Variants in CDC123 observed in about 807,000 individuals in gnomAD.
The protein encoded by CDC123 is cell division cycle 123, also known as translation initiation factor eIF2 assembly protein.
A neutral mutation model predicts 54.4 loss-of-function variants in CDC123; 37 were observed. That is an observed-to-expected ratio of 0.68 (90% CI 0.52 to 0.89). The LOEUF is 0.89. Among genes scored for constraint, CDC123 ranks in the 40% least tolerant of loss-of-function variants. CDC123 has a pLI of 0.00. For synonymous variants in CDC123, 144 were observed against 136.8 expected, an observed-to-expected ratio of 1.05 and a Z score of -0.37; for missense variants, 361 against 412.1, an observed-to-expected ratio of 0.88 and a Z score of 1.07.
intron 1 of CDC123, 46 bp downstream of exon 1, chr10:12,196,365 G>A: frequency 1.2e-6 from 2 of 1,612,864 alleles, no homozygotes; most frequent in South Asian, 2.2e-5. Flanking sequence ...AAAGGGAACT[G>A]CGACTTCTGA....
intron 2 of CDC123, among the ~76,000 whole-genome samples, chr10:12,209,737 GTGTATTTTGTAGAGACAGGGTTTTGCCA>G (rs1421445763): frequency 1.3e-5 from 2 of 151,966 alleles, no homozygotes; most frequent in African/African-American, 2.4e-5. Flanking sequence ...GCTAATTTCT[GTGTATTTTGTAGAGACAGGGTTTTGCCA>G]TGTAGTCCAA....
chr10:12,234,175 A>G (rs543726440), intron 7 of CDC123, among the ~76,000 whole-genome samples: 3 of 152,082 alleles, frequency 2.0e-5, no homozygotes, highest in Non-Finnish European at 2.9e-5. Context: ...GCTCACTGCA[A>G]CCTCCGCTTC....
intron 2 of CDC123, among the ~76,000 whole-genome samples, chr10:12,200,120 A>ATTTTTTTTTTTTTTTTTTTTTTTTTT: frequency 1.7e-5 from 1 of 59,356 alleles, no homozygotes; most frequent in Non-Finnish European, 3.0e-5. Flanking sequence ...CGCACTCGGC[A>ATTTTTTTTTTTTTTTTTTTTTTTTTT]TTTTTTTTTT....
chr10:12,242,254 C>A (rs1405721424), intron 10 of CDC123, among the ~76,000 whole-genome samples: 1 of 152,164 alleles, frequency 6.6e-6, no homozygotes, highest in African/African-American at 2.4e-5. Context: ...TCTCTGTTAT[C>A]CCTCAGGTGC....
intron 2 of CDC123, among the ~76,000 whole-genome samples, chr10:12,206,901 A>G (rs560246558): frequency 2.2e-4 from 33 of 150,268 alleles, no homozygotes; most frequent in Non-Finnish European, 4.4e-4. Context: ...AGACCTTGCA[A>G]TGAGCTGAAA....
At chr10:12,210,073 T>C (rs745410928) in intron 3 of CDC123, 49 bp downstream of exon 3, 8 of 1,584,652 alleles carry the variant, frequency 5.0e-6, no homozygotes, top group Non-Finnish European at 6.9e-6. Flanking sequence ...GTAATTTAAA[T>C]GATCTCTGAG....
intron 2 of CDC123, among the ~76,000 whole-genome samples, chr10:12,204,818 C>G (rs1253216409): frequency 4.6e-5 from 7 of 151,858 alleles, no homozygotes; most frequent in Admixed American, 4.6e-4. Context: ...CATGGTGAAA[C>G]CCCGTCTCAA....
At chr10:12,226,708 C>G (rs1328587674) in intron 6 of CDC123, among the ~76,000 whole-genome samples, 2 of 149,966 alleles carry the variant, frequency 1.3e-5, no homozygotes, top group Non-Finnish European at 3.0e-5. Flanking sequence ...GGTGGCTGGG[C>G]AGAGACGCTC....
chr10:12,243,283 A>G (rs1180275050), intron 10 of CDC123, among the ~76,000 whole-genome samples: 1 of 151,948 alleles, frequency 6.6e-6, no homozygotes, highest in Non-Finnish European at 1.5e-5. Context: ...CTGTAGTCCC[A>G]GCTACTTAGG....
chr10:12,220,416 A>G (rs1835720428), intron 6 of CDC123, among the ~76,000 whole-genome samples: 1 of 152,212 alleles, frequency 6.6e-6, no homozygotes, highest in African/African-American at 2.4e-5. Flanking sequence ...AGTGAGTTTG[A>G]GGTCTTGGAT....
intron 6 of CDC123, among the ~76,000 whole-genome samples, chr10:12,226,675 C>T (rs1032102151): frequency 2.0e-4 from 28 of 140,576 alleles, no homozygotes; most frequent in African/African-American, 2.4e-4. Context: ...GGGGCAGAGG[C>T]GCTCCCCACA....
At chr10:12,228,766 C>A (rs918830886) in intron 6 of CDC123, among the ~76,000 whole-genome samples, 2 of 152,168 alleles carry the variant, frequency 1.3e-5, no homozygotes, top group African/African-American at 4.8e-5. Context: ...GATGAGTTTT[C>A]TCCATGTTGG....
intron 6 of CDC123, 46 bp from the exon 7 acceptor site, chr10:12,230,902 C>A (rs1412372912): frequency 6.4e-7 from 1 of 1,566,042 alleles, no homozygotes; most frequent in Non-Finnish European, 8.8e-7. Flanking sequence ...CATAAACTGG[C>A]ACCAGTAACA....
intron 1 of CDC123, among the ~76,000 whole-genome samples, chr10:12,198,442 G>A (rs1441811424): frequency 6.6e-6 from 1 of 152,166 alleles, no homozygotes; most frequent in Non-Finnish European, 1.5e-5. Flanking sequence ...TTTTGAGCTT[G>A]TTGCTTTCAT....
intron 12 of CDC123, chr10:12,249,927 T>A (rs1836218498): frequency 1.6e-6 from 1 of 637,722 alleles, no homozygotes; most frequent in African/African-American, 1.8e-5. Flanking sequence ...AAAATGTTTT[T>A]ATGCTGTACA....
rs548015468 is a variant in CDC123, at chr10:12,235,036, T to G, written c.490-12T>G. The stretch of plus-strand genomic sequence containing the variant: ...GGTGTGTTATATTAAATATTTTTTC[T>G]TTTGTTTACAGCTCGTTCTCCGAAA... On this transcript the variant is annotated splice_polypyrimidine_tract_variant and intron_variant, in intron 7 of 12. Transcript: ENST00000281141. The G allele has an allele frequency of 1.4e-5, 22 of 1,610,788 alleles. No homozygotes were observed. Among genetic ancestry groups the G allele is most frequent in the Non-Finnish European group, 1.8e-5 (21 of 1,177,298 alleles).
intron 6 of CDC123, among the ~76,000 whole-genome samples, chr10:12,228,651 A>C (rs1835860073): frequency 1.3e-5 from 2 of 151,998 alleles, no homozygotes; most frequent in African/African-American, 4.8e-5. Context: ...GCTTACCACA[A>C]CCTCTGCCTC....
At chr10:12,226,665 G>A (rs901830425) in intron 6 of CDC123, among the ~76,000 whole-genome samples, 4 of 140,046 alleles carry the variant, frequency 2.9e-5, no homozygotes, top group South Asian at 2.2e-4. Flanking sequence ...GATGGGCTGC[G>A]GGGCAGAGGC....
At chr10:12,228,295 C>T (rs886976586) in intron 6 of CDC123, among the ~76,000 whole-genome samples, 5 of 151,918 alleles carry the variant, frequency 3.3e-5, no homozygotes, top group East Asian at 1.9e-4. Flanking sequence ...AATTTTTAAT[C>T]GAAAGCTAGT....
Sources: gnomAD v4.1 joint callset for allele counts (sites outside exome capture counted in the v4.1 genomes callset) on GRCh38, gnomAD v4.1.1 for gene constraint, MANE v1.5 for transcripts, NCBI Gene and HGNC (gene_info 2026-07-23, HGNC 2026-07-21) for gene names.